The following TOPBP1 variants were observed in gnomAD, a reference collection of about 807,000 sequenced individuals.
The protein encoded by TOPBP1 is DNA topoisomerase 2-binding protein 1.
Under a neutral mutation model 167.7 loss-of-function variants are expected in TOPBP1, and 28 were observed. The ratio of observed to expected loss-of-function variants is 0.17; its 90% confidence interval spans 0.12 to 0.23. The LOEUF (loss-of-function observed/expected upper bound fraction) is 0.23, where lower values mean the gene tolerates loss of function less well. Among genes scored for constraint, TOPBP1 ranks in the 10% least tolerant of loss-of-function variants. TOPBP1 has a pLI of 1.00. For synonymous variants in TOPBP1, 598 were observed against 611.4 expected, an observed-to-expected ratio of 0.98 and a Z score of 0.32; for missense variants, 1,554 against 1,809.6, an observed-to-expected ratio of 0.86 and a Z score of 2.56.
intron 6 of TOPBP1, among the ~76,000 whole-genome samples, chr3:133,654,171 T>G (rs1936399566): frequency 1.3e-5 from 2 of 152,190 alleles, no homozygotes; most frequent in Admixed American, 6.5e-5. Context: ...GCATATAGGC[T>G]CCATCACTTA....
At chr3:133,645,870 C>T (rs922697726) in intron 10 of TOPBP1, among the ~76,000 whole-genome samples, 5 of 152,100 alleles carry the variant, frequency 3.3e-5, no homozygotes, top group South Asian at 2.1e-4. Flanking sequence ...CCCCTAGGGC[C>T]GGGCGCGGTG....
rs1409993300 is a variant in TOPBP1 at position 133,624,180 on chromosome 3, A to G, written c.2805-5T>C. The G allele has an allele frequency of 3.1e-6, 5 of 1,612,176 alleles. No individual in the cohort carries two copies. In the South Asian group the frequency reaches 5.5e-5, roughly 18 times the overall value. On this transcript the variant is annotated splice_polypyrimidine_tract_variant and splice_region_variant and intron_variant, in intron 16 of 27. Coordinates refer to ENST00000260810, the MANE Select transcript of TOPBP1 (RefSeq NM_007027.4). ...ACTGTTTCATCAAAACTCCACCTGA[A>G]ATAACCAATACAAAAAAACAAATAA...
intron 23 of TOPBP1, among the ~76,000 whole-genome samples, chr3:133,615,826 T>C (rs1352373253): frequency 6.6e-6 from 1 of 152,204 alleles, no homozygotes; most frequent in Non-Finnish European, 1.5e-5. Flanking sequence ...AGGCTGGTCT[T>C]GAATTCCTAG....
chr3:133,660,218 T>C (rs575923185), intron 2 of TOPBP1, among the ~76,000 whole-genome samples: 10 of 152,318 alleles, frequency 6.6e-5, no homozygotes, highest in African/African-American at 2.4e-4. Flanking sequence ...AAGCCTACCC[T>C]GATCACACCC....
chr3:133,650,840 G>C (rs1936267928), intron 8 of TOPBP1, among the ~76,000 whole-genome samples: 1 of 152,128 alleles, frequency 6.6e-6, no homozygotes, highest in African/African-American at 2.4e-5. Context: ...CAGGTGTGGT[G>C]GCTCATGCCT....
chr3:133,612,280 T>C (rs903079063), intron 24 of TOPBP1, 109 bp downstream of exon 24: 3 of 1,255,656 alleles, frequency 2.4e-6, no homozygotes, highest in African/African-American at 1.5e-5. Flanking sequence ...TCTCAGGTGA[T>C]CCACCCACCT....
chr3:133,640,160 A>G lies in TOPBP1; in HGVS notation c.2032T>C (p.Tyr678His), dbSNP rs752814268. ...TTTGCATTGGATTTGCGAACAAAGTATTCTTGAACACTGAAATTTATGTTT... is the reference window on the plus strand; with the variant it reads ...TTTGCATTGGATTTGCGAACAAAGTGTTCTTGAACACTGAAATTTATGTTT... ...ANLLGASVQE[Y>H]FVRKSNAKKG... Residue 678 changes from tyrosine (Y) to histidine (H), a missense_variant, in exon 13 of 28, where the codon TAC becomes CAC. Coordinates refer to ENST00000260810, the MANE Select transcript of TOPBP1 (RefSeq NM_007027.4). 18 of 1,612,498 alleles carry G rather than the reference A, an allele frequency of 1.1e-5. No individual in the cohort carries two copies. In the South Asian group the frequency reaches 2.0e-4, roughly 18 times the overall value.
intron 25 of TOPBP1, 117 bp from the exon 26 acceptor site, chr3:133,609,079 T>A (rs1018143837): frequency 6.9e-5 from 57 of 829,610 alleles, no homozygotes; most frequent in Non-Finnish European, 9.8e-5. Context: ...AACTTTACTT[T>A]TGCCACAGTA....
chr3:133,643,081 A>G (rs1486092967), intron 12 of TOPBP1, 119 bp downstream of exon 12: 13 of 962,456 alleles, frequency 1.4e-5, no homozygotes, highest in South Asian at 2.5e-5. Flanking sequence ...AAGGAACCAC[A>G]TAACACTCAT....
intron 14 of TOPBP1, among the ~76,000 whole-genome samples, chr3:133,632,879 C>A (rs1935535677): frequency 6.6e-6 from 1 of 152,150 alleles, no homozygotes; most frequent in Non-Finnish European, 1.5e-5. Flanking sequence ...CTCAAGCAAT[C>A]CTCCTGCCTC....
intron 12 of TOPBP1, 87 bp from the exon 13 acceptor site, chr3:133,640,257 T>G: frequency 8.9e-7 from 1 of 1,125,934 alleles, no homozygotes; most frequent in Non-Finnish European, 1.3e-6. Flanking sequence ...ACAGTGTGGT[T>G]AGAGATCATG....
chr3:133,638,863 C>T (rs1005885447), intron 13 of TOPBP1, among the ~76,000 whole-genome samples: 1 of 152,178 alleles, frequency 6.6e-6, no homozygotes, highest in Non-Finnish European at 1.5e-5. Flanking sequence ...ATACAGAATT[C>T]ACAAGACATG....
At chr3:133,623,986 G>C in intron 17 of TOPBP1, 66 bp downstream of exon 17, 1 of 1,520,966 alleles carries the variant, frequency 6.6e-7, no homozygotes, top group South Asian at 1.3e-5. Flanking sequence ...TTGAGTTAGT[G>C]CTCTGAAATA....
intron 12 of TOPBP1, among the ~76,000 whole-genome samples, chr3:133,641,886 T>G (rs944737924): frequency 1.3e-5 from 2 of 152,196 alleles, no homozygotes; most frequent in Non-Finnish European, 2.9e-5. Flanking sequence ...GGTGAAACCC[T>G]TAAGTCCACC....
intron 14 of TOPBP1, 49 bp from the exon 15 acceptor site, chr3:133,628,782 G>A: frequency 6.5e-7 from 1 of 1,533,856 alleles, no homozygotes; most frequent in Non-Finnish European, 8.8e-7. Flanking sequence ...GAGAGAGAGA[G>A]AGAAGCAAGA....
At chr3:133,618,100 GT>G (rs1352765375) in intron 21 of TOPBP1, 112 bp downstream of exon 21, 60 of 878,226 alleles carry the variant, frequency 6.8e-5, no homozygotes, top group Non-Finnish European at 8.2e-5. Flanking sequence ...TATCTACGAA[GT>G]TTTTTTTGTT....
intron 23 of TOPBP1, among the ~76,000 whole-genome samples, chr3:133,615,886 G>A (rs1043653133): frequency 2.0e-5 from 3 of 152,146 alleles, no homozygotes; most frequent in African/African-American, 7.2e-5. Context: ...GATTACAGGT[G>A]TGAGCCAATG....
At chr3:133,615,463 C>G (rs1361817683) in intron 23 of TOPBP1, among the ~76,000 whole-genome samples, 1 of 152,100 alleles carries the variant, frequency 6.6e-6, no homozygotes, top group Non-Finnish European at 1.5e-5. Flanking sequence ...GGAGACAGAG[C>G]AAGACTCTGT....
intron 16 of TOPBP1, among the ~76,000 whole-genome samples, chr3:133,627,240 C>T (rs1241397645): frequency 6.6e-6 from 1 of 152,012 alleles, no homozygotes; most frequent in Non-Finnish European, 1.5e-5. Flanking sequence ...CATATAAAAA[C>T]ATACATCCTA....
Sources: allele counts gnomAD v4.1 joint callset (sites outside exome capture counted in the v4.1 genomes callset), GRCh38; gene constraint gnomAD v4.1.1; transcripts MANE v1.5; gene names NCBI Gene and HGNC (gene_info 2026-07-23, HGNC 2026-07-21).